The following ZNF713 variants were observed in gnomAD, a reference collection of about 807,000 sequenced individuals.
The protein encoded by ZNF713 is zinc finger protein 713.
ZNF713 carries 21 observed loss-of-function variants against 28.7 expected under a neutral mutation model. The observed-to-expected ratio is 0.73, with a 90% CI of 0.52 to 1.05. The LOEUF (loss-of-function observed/expected upper bound fraction) is 1.05, where lower values mean the gene tolerates loss of function less well. Ranked by LOEUF, ZNF713 falls within the 50% of genes least tolerant of loss-of-function variation. The pLI is 0.00. For synonymous variants in ZNF713, 167 were observed against 178.0 expected, an observed-to-expected ratio of 0.94 and a Z score of 0.49; for missense variants, 458 against 532.4, an observed-to-expected ratio of 0.86 and a Z score of 1.37.
In ZNF713 at chr7:55,940,062, C is replaced by G. The variant is rs1036522940; in HGVS notation, c.*56C>G. On this transcript the variant is annotated 3_prime_UTR_variant, in exon 7 of 7. Coordinates refer to ENST00000429591, the MANE Select transcript of ZNF713 (RefSeq NM_182633.3). ...AAATGTAGGAGATTTTTTGGTCAGA[C>G]CTTTTTATCCCATTCAATATCAAAT... is the stretch of plus-strand genomic sequence containing the variant. 44 of 1,501,142 alleles carry G rather than the reference C, an allele frequency of 2.9e-5. No homozygotes were observed. The highest frequency in any genetic ancestry group is 3.5e-5 in the Non-Finnish European group (39 of 1,129,112). The allele number at this position is 1,501,142 out of a possible 1,614,324, so 93.0% of individuals were successfully genotyped here. A position where few individuals can be genotyped will look rare whatever the true frequency, so the allele number is the denominator to read the frequency against.
chr7:55,893,004 TCCC>T (rs1357178465), intron 1 of ZNF713, among the ~76,000 whole-genome samples: 1 of 149,672 alleles, frequency 6.7e-6, no homozygotes. Context: ...TGCCTCAGCC[TCCC>T]GAGTAGCTGG....
At chr7:55,890,598 A>G (rs1055737750) in intron 1 of ZNF713, among the ~76,000 whole-genome samples, 2 of 152,218 alleles carry the variant, frequency 1.3e-5, no homozygotes, top group Non-Finnish European at 2.9e-5. Flanking sequence ...TGAAAATTCT[A>G]ATCTGCTGTA....
Position 55,940,187 on chromosome 7 carries a change from A to G in ZNF713, c.*181A>G, listed in dbSNP as rs1007154968. On this transcript the variant is annotated 3_prime_UTR_variant, in exon 7 of 7. Coordinates refer to ENST00000429591, the MANE Select transcript of ZNF713 (RefSeq NM_182633.3). ...ACCCAGGCTGAAGTGCAGTGGTACA[A>G]TCTTGGCTCACTGCAACCTCTGCCA... 4.4e-6 allele frequency: 5 copies of G among 1,136,536 alleles called. No homozygotes were observed. Among genetic ancestry groups the G allele is most frequent in the Non-Finnish European group, 5.8e-6 (5 of 857,532 alleles). The allele number at this position is 1,136,536 out of a possible 1,614,324, so 70.4% of individuals were successfully genotyped here. A position where few individuals can be genotyped will look rare whatever the true frequency, so the allele number is the denominator to read the frequency against.
At position 55,911,907 on chromosome 7, in the gene ZNF713, C is replaced by T. The variant is rs1785791788; in HGVS notation, c.-164C>T. ...TGACTGTTGCCCATAAGGTACTGGA[C>T]ATCAACTTTCAAGAGCAGCCCCAGC... is the stretch of plus-strand genomic sequence containing the variant. On this transcript the variant is annotated 5_prime_UTR_variant, in exon 3 of 7. Transcript: ENST00000429591. 6.6e-6 allele frequency: 1 copy of T among 152,130 alleles called. No homozygotes were observed. Among genetic ancestry groups the T allele is most frequent in the Non-Finnish European group, 1.5e-5 (1 of 68,042 alleles). The allele number at this position is 152,130 out of a possible 1,614,324, so 9.4% of individuals were successfully genotyped here. A position where few individuals can be genotyped will look rare whatever the true frequency, so the allele number is the denominator to read the frequency against.
Position 55,939,291 on chromosome 7 carries a change from C to G in ZNF713, c.617C>G (p.Pro206Arg), listed in dbSNP as rs1247672208. Residue 206 changes from proline to arginine, a missense_variant, in exon 7 of 7, where the codon CCC becomes CGC. Pro to Arg is a moderately radical substitution (Grantham distance 103, BLOSUM62 -2). Transcript: ENST00000429591. ...MQQRIPSIKI[P>R]LNSDTQGNSI... Reference sequence around the variant, plus strand: ...CAGAGAATTCCTTCCATTAAAATACCCCTGAATTCTGACACACAGGGAAAC... The same window carrying G: ...CAGAGAATTCCTTCCATTAAAATACGCCTGAATTCTGACACACAGGGAAAC... 1 of 1,613,906 alleles carries G rather than the reference C, an allele frequency of 6.2e-7. No homozygotes were observed. The highest frequency in any genetic ancestry group is 2.2e-5 in the East Asian group (1 of 44,848).
At chr7:55,900,814 GT>G (rs1348019778) in intron 1 of ZNF713, among the ~76,000 whole-genome samples, 1 of 152,094 alleles carries the variant, frequency 6.6e-6, no homozygotes, top group Non-Finnish European at 1.5e-5. Context: ...ACAATGCATT[GT>G]TTTCTTTCTG....
intron 6 of ZNF713, among the ~76,000 whole-genome samples, chr7:55,930,631 C>T (rs1446590836): frequency 6.6e-6 from 1 of 152,138 alleles, no homozygotes; most frequent in Non-Finnish European, 1.5e-5. Flanking sequence ...TGGTGGTGCA[C>T]ACCTGTAGTC....
At chr7:55,919,604 C>G (rs796590704) in intron 4 of ZNF713, among the ~76,000 whole-genome samples, 15 of 146,930 alleles carry the variant, frequency 1.0e-4, no homozygotes, top group African/African-American at 3.5e-4. Context: ...CTCCCGGGTT[C>G]AAGCAATTCT....
chr7:55,898,008 G>A (rs73358468), intron 1 of ZNF713, among the ~76,000 whole-genome samples: 6,930 of 152,224 alleles, frequency 0.046, 489 homozygotes, highest in African/African-American at 0.15. Flanking sequence ...TGTAATTAGA[G>A]GGTTGAACTT....
intron 2 of ZNF713, 146 bp from the exon 3 acceptor site, chr7:55,911,470 A>C (rs1785782177): frequency 6.6e-6 from 1 of 152,102 alleles, no homozygotes; most frequent in Non-Finnish European, 1.5e-5. Flanking sequence ...AAATTCTAAA[A>C]GTGCTTTTTG....
chr7:55,897,734 GCCATTAATGAGACATATTA>G (rs1785499908), intron 1 of ZNF713, among the ~76,000 whole-genome samples: 1 of 152,162 alleles, frequency 6.6e-6, no homozygotes, highest in Non-Finnish European at 1.5e-5. Context: ...GAAACATATT[GCCATTAATGAGACATATTA>G]CCATTAATGA....
At chr7:55,907,785 T>A (rs1417237668) in intron 2 of ZNF713, among the ~76,000 whole-genome samples, 1 of 152,220 alleles carries the variant, frequency 6.6e-6, no homozygotes, top group Non-Finnish European at 1.5e-5. Flanking sequence ...GCAAAAGGCA[T>A]GATTTCATTC....
chr7:55,915,011 C>CGGG (rs1562741875), intron 4 of ZNF713, among the ~76,000 whole-genome samples: 1 of 152,162 alleles, frequency 6.6e-6, no homozygotes, highest in Non-Finnish European at 1.5e-5. Flanking sequence ...TGCGCCACCA[C>CGGG]GCCCAGCTAA....
In ZNF713 at chr7:55,887,814, CGGCGGGCGGCG is replaced by C. The variant is rs1468488625; in HGVS notation, c.-583+140_-583+150del. The C allele has an allele frequency of 1.4e-3, 2 of 1,448 alleles. 1 individual carries two copies. The highest frequency in any genetic ancestry group is 2.8e-3 in the African/African-American group (2 of 722). The allele number at this position is 1,448 out of a possible 1,614,324, so 0.1% of individuals were successfully genotyped here. ...GGGGGCGGAGGCGGGGGGCGGCGGG[CGGCGGGCGGCG>C]GGCGGCGGGCGGCGGGCGGCGGCGG... On this transcript the variant is annotated intron_variant, in intron 1 of 6. Transcript: ENST00000429591.
intron 1 of ZNF713, among the ~76,000 whole-genome samples, chr7:55,889,868 T>G (rs143281748): frequency 3.9e-5 from 6 of 152,306 alleles, no homozygotes; most frequent in African/African-American, 1.4e-4. Context: ...AGAGTATGCA[T>G]CTTTGGTGAC....
At chr7:55,895,451 CTTTTTT>C (rs55972416) in intron 1 of ZNF713, among the ~76,000 whole-genome samples, 23 of 82,374 alleles carry the variant, frequency 2.8e-4, no homozygotes, top group Admixed American at 4.6e-4. Context: ...CTGTTATACT[CTTTTTT>C]TTTTTTTTTT....
At chr7:55,898,305 G>A (rs1402622055) in intron 1 of ZNF713, among the ~76,000 whole-genome samples, 1 of 152,228 alleles carries the variant, frequency 6.6e-6, no homozygotes, top group Non-Finnish European at 1.5e-5. Context: ...AGGATTGGGA[G>A]AAAATGTTTG....
intron 6 of ZNF713, among the ~76,000 whole-genome samples, chr7:55,926,703 T>C (rs997911604): frequency 2.0e-5 from 3 of 152,208 alleles, no homozygotes; most frequent in Admixed American, 1.3e-4. Context: ...GCAAGAAAAT[T>C]GGCAATTATA....
chr7:55,931,951 A>G (rs1484122190), intron 6 of ZNF713, among the ~76,000 whole-genome samples: 2 of 152,210 alleles, frequency 1.3e-5, no homozygotes, highest in African/African-American at 4.8e-5. Context: ...AAGAGACGTG[A>G]GAGGCAGTCT....
Sources: gnomAD v4.1 joint callset for allele counts (sites outside exome capture counted in the v4.1 genomes callset) on GRCh38, gnomAD v4.1.1 for gene constraint, MANE v1.5 for transcripts, NCBI Gene and HGNC (gene_info 2026-07-23, HGNC 2026-07-21) for gene names.